Variants in GOLGA7 observed in about 807,000 individuals in gnomAD.
GOLGA7 encodes the protein golgin subfamily A member 7.
GOLGA7 carries 10 observed loss-of-function variants against 21.1 expected under a neutral mutation model. That is an observed-to-expected ratio of 0.47 (90% CI 0.29 to 0.80). The LOEUF is 0.80. Ranked by LOEUF, GOLGA7 falls within the 30% of genes least tolerant of loss-of-function variation. The probability of loss-of-function intolerance (pLI) is 0.08; values close to 1 mark genes in which losing one functional copy is unlikely to be tolerated. For missense variants in GOLGA7, 114 were observed against 166.8 expected, an observed-to-expected ratio of 0.68 and a Z score of 1.74; for synonymous variants, 64 against 62.6, an observed-to-expected ratio of 1.02 and a Z score of -0.10.
At chr8:41,499,145 C>T (rs895590851) in intron 2 of GOLGA7, among the ~76,000 whole-genome samples, 3 of 152,150 alleles carry the variant, frequency 2.0e-5, no homozygotes, top group African/African-American at 4.8e-5. Context: ...CCTCGCAGGG[C>T]GTGTGATGGG....
Position 41,490,607 on chromosome 8 carries a change from AGAG to A in GOLGA7, c.-243_-241del, listed in dbSNP as rs2150435510. The A allele has an allele frequency of 2.0e-6, 1 of 500,492 alleles. No homozygotes were observed. Among genetic ancestry groups the A allele is most frequent in the East Asian group, 3.6e-5 (1 of 28,120 alleles). 31.0% of individuals were successfully genotyped at this position (500,492 alleles called of 1,614,324 possible). A position where few individuals can be genotyped will look rare whatever the true frequency, so the allele number is the denominator to read the frequency against. ...GGCGGTGCGACAGCAGCTGGAGGGC[AGAG>A]GAGGCGGGTTTGTGTTTCCCGGGCC... On this transcript the variant is annotated 5_prime_UTR_variant, in exon 1 of 5. Transcript: ENST00000357743.
chr8:41,505,736 C>G lies in GOLGA7; in HGVS notation c.265-175C>G, dbSNP rs755037358. The G allele has an allele frequency of 5.8e-5, 28 of 479,822 alleles. No homozygotes were observed. In the South Asian group the frequency reaches 9.7e-4, roughly 17 times the overall value. 29.7% of individuals were successfully genotyped at this position (479,822 alleles called of 1,614,324 possible). ...GACTGGAAGAGTCCCTCACACTTGGCTGTATGTCATATGCAACTCATGTGA... is the reference window on the plus strand; with the variant it reads ...GACTGGAAGAGTCCCTCACACTTGGGTGTATGTCATATGCAACTCATGTGA... On this transcript the variant is annotated intron_variant, in intron 2 of 4. Transcript: ENST00000357743.
chr8:41,498,652 TACA>T (rs548756655), intron 2 of GOLGA7, among the ~76,000 whole-genome samples: 6 of 152,274 alleles, frequency 3.9e-5, no homozygotes, highest in South Asian at 4.1e-4. Flanking sequence ...CTTGTGTCCC[TACA>T]ACATTTTATT....
rs575139433 is a variant in GOLGA7 at position 41,507,880 on chromosome 8, CTAAT to C, written c.*15+764_*15+767del. Among the ~76,000 whole-genome samples the C allele has an allele frequency of 1.6e-3, 240 of 152,322 alleles. 1 individual carries two copies. The highest frequency in any genetic ancestry group is 5.1e-3 in the African/African-American group (211 of 41,572). On this transcript the variant is annotated intron_variant, in intron 4 of 4. Coordinates refer to ENST00000357743, the MANE Select transcript of GOLGA7 (RefSeq NM_001002296.2). ...TGACTGTGCTTATAGGTATCTGTCACTAATTAATAGACAGCACAGACACAGAATG... is the reference window on the plus strand; with the variant it reads ...TGACTGTGCTTATAGGTATCTGTCACTAATAGACAGCACAGACACAGAATG...
chr8:41,491,469 T>C lies in GOLGA7; in HGVS notation c.111+504T>C, dbSNP rs1585592024. The stretch of plus-strand genomic sequence containing the variant: ...ATGGCCAGGCGGTGCGTTCAGGCTT[T>C]CTTGGAACCTTAAAGACGTCGGGCG... On this transcript the variant is annotated intron_variant, in intron 1 of 4. Coordinates refer to ENST00000357743, the MANE Select transcript of GOLGA7 (RefSeq NM_001002296.2). 2.6e-5 allele frequency among the ~76,000 whole-genome samples: 4 copies of C among 152,300 alleles called. 1 individual carries two copies. The South Asian group carries it at 8.3e-4, about 32-fold the overall frequency.
intron 1 of GOLGA7, among the ~76,000 whole-genome samples, chr8:41,493,042 A>T (rs918231269): frequency 6.6e-6 from 1 of 152,210 alleles, no homozygotes; most frequent in Admixed American, 6.5e-5. Context: ...ATAGCCCAGA[A>T]CTGCTTGTGG....
intron 1 of GOLGA7, among the ~76,000 whole-genome samples, chr8:41,496,487 TAGAA>T (rs983120417): frequency 1.8e-4 from 27 of 152,264 alleles, no homozygotes; most frequent in African/African-American, 6.3e-4. Flanking sequence ...TGTCACCAAA[TAGAA>T]AGAGGTAATA....
Position 41,496,871 on chromosome 8 carries a change from A to C in GOLGA7, c.112-638A>C, listed in dbSNP as rs577876415. 5.2e-5 allele frequency among the ~76,000 whole-genome samples: 7 copies of C among 133,762 alleles called. No individual in the cohort carries two copies. The East Asian group carries it at 9.2e-4, about 18-fold the overall frequency. The allele number at this position is 133,762 out of a possible 152,430, so 87.8% of individuals were successfully genotyped here. On this transcript the variant is annotated intron_variant, in intron 1 of 4. Transcript: ENST00000357743. ...CACCCAGGCTGGAGTGCAGTGGCGC[A>C]GTCTCGGCTCACTGCAAGCTCCACC...
chr8:41,497,971 C>A lies in GOLGA7; in HGVS notation c.264+310C>A, dbSNP rs980361889. ...GTTTTTACTTTATTTCCCTAAATTT[C>A]ACTCTCTTCTCCCACCTGAGTTCTT... On this transcript the variant is annotated intron_variant, in intron 2 of 4. Transcript: ENST00000357743. 3.3e-5 allele frequency among the ~76,000 whole-genome samples: 5 copies of A among 152,168 alleles called. No individual in the cohort carries two copies. In the South Asian group the frequency reaches 1.0e-3, roughly 32 times the overall value.
rs536782313 is a variant in GOLGA7 at position 41,500,808 on chromosome 8, C to T, written c.264+3147C>T. Among the ~76,000 whole-genome samples, 4 of 152,258 alleles carry T rather than the reference C, an allele frequency of 2.6e-5. No homozygotes were observed. In the South Asian group the frequency reaches 8.3e-4, roughly 32 times the overall value. On this transcript the variant is annotated intron_variant, in intron 2 of 4. Coordinates refer to ENST00000357743, the MANE Select transcript of GOLGA7 (RefSeq NM_001002296.2). ...AGAAGTAGGGAAACTAGTCAGGAAG[C>T]TCCACAGAAGTCCAGGCAAGAGTGA...
chr8:41,495,091 C>G (rs1239776122), intron 1 of GOLGA7, among the ~76,000 whole-genome samples: 1 of 149,064 alleles, frequency 6.7e-6, no homozygotes, highest in Non-Finnish European at 1.5e-5. Flanking sequence ...GTAATCCCAG[C>G]TACTCGGGAG....
At chr8:41,491,354 C>T (rs548707404) in intron 1 of GOLGA7, among the ~76,000 whole-genome samples, 1 of 152,290 alleles carries the variant, frequency 6.6e-6, no homozygotes, top group South Asian at 2.1e-4. Flanking sequence ...CCTACCTCTC[C>T]GCGCAAGATA....
intron 2 of GOLGA7, 104 bp from the exon 3 acceptor site, chr8:41,505,807 C>T (rs1563420493): frequency 3.3e-6 from 2 of 600,854 alleles, no homozygotes; most frequent in Non-Finnish European, 6.0e-6. Context: ...ATCCATGTGA[C>T]TTGCCTTGAA....
At chr8:41,501,089 A>C (rs531589641) in intron 2 of GOLGA7, among the ~76,000 whole-genome samples, 66 of 152,298 alleles carry the variant, frequency 4.3e-4, no homozygotes, top group Non-Finnish European at 8.1e-4. Flanking sequence ...TTGTTGATAA[A>C]ATTTTAATTG....
At chr8:41,509,420 A>G (rs1806366542) in intron 4 of GOLGA7, among the ~76,000 whole-genome samples, 164 bp from the exon 5 acceptor site, 4 of 152,204 alleles carry the variant, frequency 2.6e-5, no homozygotes, top group African/African-American at 9.7e-5. Context: ...TGAGCTGTAG[A>G]CTCATTTAGA....
intron 1 of GOLGA7, among the ~76,000 whole-genome samples, chr8:41,497,249 A>G (rs1418570796): frequency 1.3e-5 from 2 of 151,948 alleles, no homozygotes; most frequent in Non-Finnish European, 2.9e-5. Flanking sequence ...AAATGAATGG[A>G]AAGAGGAATA....
intron 2 of GOLGA7, among the ~76,000 whole-genome samples, chr8:41,502,904 G>C (rs962980393): frequency 1.3e-5 from 2 of 152,200 alleles, no homozygotes; most frequent in African/African-American, 4.8e-5. Flanking sequence ...AATAAAGTGT[G>C]AATAAAATGT....
At chr8:41,494,678 G>A (rs563977669) in intron 1 of GOLGA7, among the ~76,000 whole-genome samples, 17 of 152,192 alleles carry the variant, frequency 1.1e-4, no homozygotes, top group African/African-American at 3.9e-4. Context: ...CTGCCCCTGC[G>A]TTTAAAGGCC....
intron 2 of GOLGA7, among the ~76,000 whole-genome samples, chr8:41,501,351 C>T (rs143152085): frequency 0.021 from 3,213 of 151,628 alleles, 44 homozygotes; most frequent in Middle Eastern, 0.048. Context: ...CTCTGTCACC[C>T]GGGCTGGAAT....
Sources: allele counts gnomAD v4.1 joint callset (sites outside exome capture counted in the v4.1 genomes callset), GRCh38; gene constraint gnomAD v4.1.1; transcripts MANE v1.5; gene names NCBI Gene and HGNC (gene_info 2026-07-23, HGNC 2026-07-21).